Variants in WDR81 observed in about 807,000 individuals in gnomAD.
The protein encoded by WDR81 is WD repeat-containing protein 81.
WDR81 carries 92 observed loss-of-function variants against 140.8 expected under a neutral mutation model. The observed-to-expected ratio is 0.65, with a 90% CI of 0.55 to 0.78. The LOEUF (loss-of-function observed/expected upper bound fraction) is 0.78, where lower values mean the gene tolerates loss of function less well. WDR81 is among the 30% of genes least tolerant of loss of function. The pLI is 0.00. For missense variants in WDR81, 2,502 were observed against 2,636.4 expected, an observed-to-expected ratio of 0.95 and a Z score of 1.12; for synonymous variants, 1,183 against 1,156.4, an observed-to-expected ratio of 1.02 and a Z score of -0.47.
rs371394335 is a variant in WDR81, at chr17:1,727,781, C to T, written c.2822C>T (p.Thr941Met). The T allele has an allele frequency of 2.7e-5, 42 of 1,550,618 alleles. No homozygotes were observed. The highest frequency in any genetic ancestry group is 4.1e-5 in the African/African-American group (3 of 73,056). ...LMSEEHTAVYTAWYLFEPVAK... is the reference protein window; with the variant it reads ...LMSEEHTAVYMAWYLFEPVAK... ...TCCGAGGAGCACACAGCTGTGTACACGGCCTGGTATCTGTTTGAGCCTGTT... is the reference window on the plus strand; with the variant it reads ...TCCGAGGAGCACACAGCTGTGTACATGGCCTGGTATCTGTTTGAGCCTGTT... The change falls in exon 1 of 10, where the codon ACG (threonine) becomes ATG (methionine). Residue 941 changes from threonine to methionine, a missense_variant. Physicochemically the swap from Thr to Met is moderately conservative, Grantham distance 81 (BLOSUM62 -1). Transcript: ENST00000409644.
chr17:1,726,774 C>G lies in WDR81; in HGVS notation c.1815C>G (p.Ile605Met). The G allele has an allele frequency of 6.5e-7, 1 of 1,548,522 alleles. No individual in the cohort carries two copies. The highest frequency in any genetic ancestry group is 8.7e-7 in the Non-Finnish European group (1 of 1,146,714). The change falls in exon 1 of 10, where the codon ATC becomes ATG. Residue 605 changes from isoleucine (I) to methionine (M), a missense_variant. Ile to Met is a conservative substitution (Grantham distance 10). This residue lies in a region of WDR81 where 1,737 missense variants were observed against 1,843.0 expected (regional missense o/e 0.94). Transcript: ENST00000409644. ...APALAPEPPL[I>M]PKLLVQTIQE... ...CCCTTGCCCCCGAGCCTCCCCTCAT[C>G]CCCAAGCTGTTGGTCCAGACCATCC...
intron 7 of WDR81, 71 bp downstream of exon 7, chr17:1,734,287 C>G: frequency 6.9e-7 from 1 of 1,447,836 alleles, no homozygotes; most frequent in African/African-American, 1.4e-5. Context: ...GAAGGGGGCC[C>G]GAGGGTGGGG....
upstream of WDR81, among the ~76,000 whole-genome samples, chr17:1,720,819 G>C (rs1914823693): frequency 6.6e-6 from 1 of 151,668 alleles, no homozygotes; most frequent in South Asian, 2.1e-4. Flanking sequence ...TACTGCCCTA[G>C]GGCTCAGATT....
upstream of WDR81, among the ~76,000 whole-genome samples, chr17:1,722,841 C>G (rs1414200762): frequency 6.6e-6 from 1 of 151,848 alleles, no homozygotes; most frequent in Non-Finnish European, 1.5e-5. Flanking sequence ...TACAGGCACC[C>G]GCTGCCACAC....
Position 1,726,087 on chromosome 17 carries a change from C to T in WDR81, c.1128C>T (p.Asp376=), listed in dbSNP as rs923914738. Reference sequence around the variant, plus strand: ...GGTTGGCAGGTCGGCGGCAGGGGGACCCCAACTACCACCCCGTGCTGCCCT... The same window carrying T: ...GGTTGGCAGGTCGGCGGCAGGGGGATCCCAACTACCACCCCGTGCTGCCCT... ...LNRLAGRRQG[D]PNYHPVLPWV... The change falls in exon 1 of 10, where the codon GAC becomes GAT. Residue 376 remains aspartate, a synonymous_variant. Transcript: ENST00000409644. 1.9e-5 allele frequency: 30 copies of T among 1,547,698 alleles called. No homozygotes were observed. The highest frequency in any genetic ancestry group is 2.5e-5 in the Non-Finnish European group (29 of 1,145,102).
At chr17:1,732,970 T>G in intron 6 of WDR81, 139 bp downstream of exon 6, 1 of 1,106,266 alleles carries the variant, frequency 9.0e-7, no homozygotes, top group Non-Finnish European at 1.3e-6. Flanking sequence ...GGATTTGGCC[T>G]CAGACCCCTA....
In WDR81 at chr17:1,728,096, T is replaced by C; in HGVS notation, c.3137T>C (p.Phe1046Ser). The change falls in exon 1 of 10, where the codon TTT becomes TCT. Residue 1046 changes from phenylalanine to serine, a missense_variant. Physicochemically the swap from Phe to Ser is radical, Grantham distance 155 (BLOSUM62 -2). Coordinates refer to ENST00000409644, the MANE Select transcript of WDR81 (RefSeq NM_001163809.2). Reference protein sequence around the residue: ...LPGAGPGSCAFGEEIPMDGEP... With the variant: ...LPGAGPGSCASGEEIPMDGEP... The stretch of plus-strand genomic sequence containing the variant: ...GGGGCCGGGCCTGGCTCCTGTGCTT[T>C]TGGGGAGGAGATTCCCATGGATGGG... 1.2e-6 allele frequency: 2 copies of C among 1,601,242 alleles called. No homozygotes were observed. Among genetic ancestry groups the C allele is most frequent in the East Asian group, 2.3e-5 (1 of 44,298 alleles).
At chr17:1,717,147 A>G (rs1051226416) in intron 1 of WDR81, 1 of 160,060 alleles carries the variant, frequency 6.2e-6, no homozygotes, top group Non-Finnish European at 1.4e-5. Flanking sequence ...CCCGCCCTCC[A>G]AAGCTCTTCA....
In WDR81 at chr17:1,731,236, T is replaced by C; in HGVS notation, c.4135T>C (p.Phe1379Leu). The part of the protein sequence containing the change: ...SHEVLLPVLS[F>L]LTSLVTGFPS... ...TGAGGTCCTGCTGCCCGTGCTCAGC[T>C]TCCTCACCTCCCTCGTCACGGGGTA... The change falls in exon 4 of 10, where the codon TTC becomes CTC. Residue 1379 changes from phenylalanine (F) to leucine (L), a missense_variant. By Grantham distance (22) the Phe-to-Leu change is conservative (BLOSUM62 0). Around this residue, in one of 3 missense-constraint regions of WDR81, gnomAD observed 1,737 missense variants for 1,843.0 expected, o/e 0.94. Coordinates refer to ENST00000409644, the MANE Select transcript of WDR81 (RefSeq NM_001163809.2). 1 of 1,613,490 alleles carries C rather than the reference T, an allele frequency of 6.2e-7. No individual in the cohort carries two copies. Among genetic ancestry groups the C allele is most frequent in the Non-Finnish European group, 8.5e-7 (1 of 1,179,964 alleles).
chr17:1,725,681 C>T lies in WDR81; in HGVS notation c.722C>T (p.Ser241Phe). 5 of 1,548,846 alleles carry T rather than the reference C, an allele frequency of 3.2e-6. No homozygotes were observed. Among genetic ancestry groups the T allele is most frequent in the Non-Finnish European group, 4.4e-6 (5 of 1,147,014 alleles). The change falls in exon 1 of 10, where the codon TCC (serine) becomes TTC (phenylalanine). Residue 241 changes from serine (S) to phenylalanine (F), a missense_variant. Coordinates refer to ENST00000409644, the MANE Select transcript of WDR81 (RefSeq NM_001163809.2). Reference protein sequence around the residue: ...LYVVHPYVQFSLHDVVTFSPA... With the variant: ...LYVVHPYVQFFLHDVVTFSPA... ...GTGGTACACCCTTACGTACAGTTCT[C>T]CCTACATGACGTGGTCACCTTCAGC...
intron 9 of WDR81, 87 bp downstream of exon 9, chr17:1,736,305 T>C: frequency 6.8e-7 from 1 of 1,464,998 alleles, no homozygotes; most frequent in Non-Finnish European, 9.1e-7. Flanking sequence ...CTGCCCGGGT[T>C]CAGGCTCGAA....
chr17:1,732,643 C>G (rs762894198), intron 5 of WDR81, 23 bp from the exon 6 acceptor site: 2 of 1,587,484 alleles, frequency 1.3e-6, no homozygotes, highest in East Asian at 4.5e-5. Flanking sequence ...ACCCGGCTGA[C>G]CCCCTGGGTG....
intron 1 of WDR81, among the ~76,000 whole-genome samples, chr17:1,728,857 G>T (rs1432383513): frequency 6.6e-6 from 1 of 152,142 alleles, no homozygotes; most frequent in Non-Finnish European, 1.5e-5. Flanking sequence ...GAAGGCTGAG[G>T]CAGGAGAATG....
At chr17:1,716,859 G>A in intron 1 of WDR81, 1 of 600,856 alleles carries the variant, frequency 1.7e-6, no homozygotes, top group South Asian at 2.0e-5. Flanking sequence ...CCGTTGGAGA[G>A]CTCTCCAGGG....
At chr17:1,733,391 C>T in intron 6 of WDR81, 136 bp from the exon 7 acceptor site, 10 of 835,668 alleles carry the variant, frequency 1.2e-5, no homozygotes, top group Non-Finnish European at 1.8e-5. Context: ...GAAACTGAGG[C>T]TCAGAGACAG....
chr17:1,730,402 C>T lies in WDR81; in HGVS notation c.3690C>T (p.Arg1230=), dbSNP rs1455652935. 1.2e-6 allele frequency: 2 copies of T among 1,612,998 alleles called. No homozygotes were observed. The highest frequency in any genetic ancestry group is 1.7e-6 in the Non-Finnish European group (2 of 1,179,862). ...ILLDTACKMV[R]WLSAKLGPTV... is the part of the protein sequence containing the mutation. ...CAGATACAGCCTGCAAGATGGTCCG[C>T]TGGCTGTCTGCCAAGCTCGGCCCCA... is the stretch of plus-strand genomic sequence containing the variant. Residue 1230 remains arginine, a synonymous_variant, in exon 2 of 10, where the codon CGC becomes CGT. Transcript: ENST00000409644.
Position 1,724,709 on chromosome 17 carries a change from A to C in WDR81, c.-251A>C. On this transcript the variant is annotated 5_prime_UTR_variant, in exon 1 of 10. Transcript: ENST00000409644. ...GCGATCACGTGACCCGCGTCAGCTG[A>C]CCCGTCACGGTGGAGCCCGGTGCTC... The C allele has an allele frequency of 9.2e-7, 1 of 1,087,602 alleles. No homozygotes were observed. The highest frequency in any genetic ancestry group is 1.1e-6 in the Non-Finnish European group (1 of 897,448). 67.4% of individuals were successfully genotyped at this position (1,087,602 alleles called of 1,614,324 possible). A position where few individuals can be genotyped will look rare whatever the true frequency, so the allele number is the denominator to read the frequency against.
chr17:1,716,737 C>T, intron 1 of WDR81: 2 of 1,307,010 alleles, frequency 1.5e-6, no homozygotes, highest in Non-Finnish European at 2.1e-6. Flanking sequence ...TTTAGACATT[C>T]CCCAAACTGA....
intron 1 of WDR81, 47 bp from the exon 2 acceptor site, chr17:1,730,309 CGTGGGGTGGGGTGGGAGGGGTGAT>C (rs1915601896): frequency 9.8e-7 from 1 of 1,024,072 alleles, no homozygotes; most frequent in African/African-American, 2.7e-5. Context: ...AGTGGGGTGC[CGTGGGGTGGGGTGGGAGGGGTGAT>C]GAGCCCCTGT....
Sources: allele counts gnomAD v4.1 joint callset (sites outside exome capture counted in the v4.1 genomes callset), GRCh38; gene constraint gnomAD v4.1.1; regional missense constraint gnomAD v4.1.1; transcripts MANE v1.5; gene names NCBI Gene and HGNC (gene_info 2026-07-23, HGNC 2026-07-21).